Variants in HDAC4 observed in about 807,000 individuals in gnomAD.
HDAC4 encodes histone deacetylase A.
In HDAC4, 16 loss-of-function variants were observed where a neutral mutation model predicts 135.1. That is an observed-to-expected ratio of 0.12 (90% CI 0.08 to 0.18). The LOEUF (loss-of-function observed/expected upper bound fraction) is 0.18. Among genes scored for constraint, HDAC4 ranks in the 10% least tolerant of loss-of-function variants. HDAC4 has a pLI of 1.00. For synonymous variants in HDAC4, 685 were observed against 653.4 expected (o/e 1.05, Z -0.74); for missense variants, 1,143 against 1,511.8 (o/e 0.76, Z 4.05).
intron 2 of HDAC4, among the ~76,000 whole-genome samples, chr2:239,249,020 G>A (rs1034567690): frequency 4.6e-5 from 7 of 152,238 alleles, no homozygotes; most frequent in Non-Finnish European, 8.8e-5. Context: ...GGGATCACGT[G>A]CTGGAATAAC....
chr2:239,178,391 C>A (rs921393246), intron 4 of HDAC4, among the ~76,000 whole-genome samples: 1 of 152,086 alleles, frequency 6.6e-6, no homozygotes, highest in Non-Finnish European at 1.5e-5. Context: ...CTACCTCAGA[C>A]TCCCAAATAG....
At chr2:239,201,296 G>A (rs1008141536) in intron 3 of HDAC4, among the ~76,000 whole-genome samples, 1 of 152,156 alleles carries the variant, frequency 6.6e-6, no homozygotes, top group African/African-American at 2.4e-5. Context: ...CAGGCTGGGT[G>A]TGGTCAGCAA....
At chr2:239,327,791 C>T (rs1050488985) in intron 2 of HDAC4, among the ~76,000 whole-genome samples, 12 of 152,210 alleles carry the variant, frequency 7.9e-5, no homozygotes, top group African/African-American at 2.9e-4. Context: ...CCTAGAGACA[C>T]CCTGGCCAAA....
At chr2:239,121,000 CTTTT>C (rs34226161) in intron 12 of HDAC4, among the ~76,000 whole-genome samples, 11 of 144,708 alleles carry the variant, frequency 7.6e-5, no homozygotes, top group East Asian at 6.1e-4. Flanking sequence ...CTTTAAATTT[CTTTT>C]TTTTTTTTTT....
chr2:239,115,203 G>A lies in HDAC4; in HGVS notation c.1641C>T (p.Asp547=), dbSNP rs2152809839. The A allele has an allele frequency of 6.2e-7, 1 of 1,611,746 alleles. No individual in the cohort carries two copies. Among genetic ancestry groups the A allele is most frequent in the African/African-American group, 1.3e-5 (1 of 75,056 alleles). The stretch of plus-strand genomic sequence containing the variant: ...GCGCCTCCTTCTGCCCCGGCAGCCG[G>A]TCCAGGTAGGGCTCGTCCAGCAGAG... ...HQALLDEPYL[D]RLPGQKEAHA... Residue 547 remains aspartate, a synonymous_variant, in exon 13 of 27, where the codon GAC becomes GAT. Transcript: ENST00000543185. The surrounding 1 kb of genome is among the most constrained non-coding windows in gnomAD (Gnocchi z 6.3).
intron 12 of HDAC4, among the ~76,000 whole-genome samples, chr2:239,119,999 C>T (rs191756729): frequency 6.1e-5 from 4 of 65,114 alleles, no homozygotes; most frequent in African/African-American, 6.8e-5. Flanking sequence ...GGGGACCACC[C>T]GTGGACAGGA....
At chr2:239,246,515 C>T (rs1235492530) in intron 2 of HDAC4, among the ~76,000 whole-genome samples, 5 of 151,924 alleles carry the variant, frequency 3.3e-5, no homozygotes, top group Non-Finnish European at 7.4e-5. Flanking sequence ...GGGCGGGGGC[C>T]GGCCAGGCGC....
At chr2:239,055,135 G>A (rs562413406) in intron 24 of HDAC4, 13 of 370,306 alleles carry the variant, frequency 3.5e-5, no homozygotes, top group African/African-American at 1.3e-4. Flanking sequence ...ATCTGCCATC[G>A]ACGCCACAGG....
In HDAC4 at chr2:239,160,942, C is replaced by T. The variant is rs918089083; in HGVS notation, c.611+2861G>A. 2.6e-5 allele frequency among the ~76,000 whole-genome samples: 4 copies of T among 152,344 alleles called. No individual in the cohort carries two copies. The South Asian group carries it at 6.2e-4, about 24-fold the overall frequency. ...GCAGCACACAGAGGTCCAGGGACAC[C>T]GCATCTGCTCCAGCACCCGGCCTGT... On this transcript the variant is annotated intron_variant, in intron 6 of 26. Coordinates refer to ENST00000543185, the MANE Select transcript of HDAC4 (RefSeq NM_001378414.1).
In HDAC4 at chr2:239,141,112, C is replaced by T. The variant is rs2041346114; in HGVS notation, c.866-1316G>A. On this transcript the variant is annotated intron_variant, in intron 8 of 26. Transcript: ENST00000543185. The surrounding 1 kb of genome is among the most constrained non-coding windows in gnomAD (Gnocchi z 4.9). Reference sequence around the variant, plus strand: ...AGATGGAGGCATGGAGCAGCAACATCACTCGTCCCAGGCCACGTGGCTTGA... The same window carrying T: ...AGATGGAGGCATGGAGCAGCAACATTACTCGTCCCAGGCCACGTGGCTTGA... The T allele has an allele frequency of 3.6e-6, 1 of 275,252 alleles. No individual in the cohort carries two copies. Among genetic ancestry groups the T allele is most frequent in the Non-Finnish European group, 7.9e-6 (1 of 127,134 alleles). 17.1% of individuals were successfully genotyped at this position (275,252 alleles called of 1,614,324 possible). A position where few individuals can be genotyped will look rare whatever the true frequency, so the allele number is the denominator to read the frequency against.
intron 17 of HDAC4, among the ~76,000 whole-genome samples, chr2:239,092,979 C>A (rs2036660576): frequency 2.0e-5 from 3 of 152,146 alleles, no homozygotes; most frequent in African/African-American, 7.2e-5. Flanking sequence ...ACGGATAATC[C>A]CATGGAGTCT....
intron 2 of HDAC4, among the ~76,000 whole-genome samples, chr2:239,238,469 A>C (rs2048009948): frequency 6.6e-6 from 1 of 152,182 alleles, no homozygotes; most frequent in Admixed American, 6.5e-5. Flanking sequence ...GTTCTGCAAC[A>C]GTTCCTACGA....
At chr2:239,155,297 A>T (rs1052017163) in intron 7 of HDAC4, among the ~76,000 whole-genome samples, 3 of 151,214 alleles carry the variant, frequency 2.0e-5, no homozygotes, top group Non-Finnish European at 3.0e-5. Flanking sequence ...GGCCAGACTG[A>T]TATGACCCAG....
At chr2:239,111,918 A>C (rs1249366235) in intron 13 of HDAC4, among the ~76,000 whole-genome samples, 1 of 152,216 alleles carries the variant, frequency 6.6e-6, no homozygotes, top group Non-Finnish European at 1.5e-5. Flanking sequence ...GAACGAGGCC[A>C]GCACAGGCTC....
intron 2 of HDAC4, among the ~76,000 whole-genome samples, chr2:239,273,059 C>T (rs2050143717): frequency 1.3e-5 from 2 of 152,136 alleles, no homozygotes. Flanking sequence ...AGAAATACAC[C>T]ACCTTAGATG....
intron 16 of HDAC4, among the ~76,000 whole-genome samples, chr2:239,099,614 C>T (rs979893699): frequency 2.0e-5 from 3 of 152,250 alleles, no homozygotes; most frequent in Non-Finnish European, 4.4e-5. Context: ...ACCCAGCTCC[C>T]GGACAGAAAG....
chr2:239,357,335 CA>C (rs1261525915), intron 1 of HDAC4, among the ~76,000 whole-genome samples: 4 of 151,830 alleles, frequency 2.6e-5, no homozygotes, highest in Non-Finnish European at 5.9e-5. Context: ...TAAAAATCTG[CA>C]GTGCTTAGGA....
intron 5 of HDAC4, among the ~76,000 whole-genome samples, chr2:239,169,543 C>T (rs983006825): frequency 5.3e-5 from 8 of 152,380 alleles, no homozygotes; most frequent in African/African-American, 1.7e-4. Context: ...ATTCCTCACA[C>T]GTGAAGCCAG....
Position 239,139,719 on chromosome 2 carries a change from C to T in HDAC4, c.943G>A (p.Gly315Ser), listed in dbSNP as rs771403184. ...NSSGSVSAEN[G>S]IAPAVPSIPA... ...ATGCTGGGGACGGCGGGCGCGATAC[C>T]GTTCTCCGCGCTGACGCTCCCGGAG... Residue 315 changes from glycine to serine, a missense_variant, in exon 9 of 27, where the codon GGT becomes AGT. By Grantham distance (56) the Gly-to-Ser change is moderately conservative. Coordinates refer to ENST00000543185, the MANE Select transcript of HDAC4 (RefSeq NM_001378414.1). This position sits in a 1 kb window ranked among gnomAD's most constrained non-coding sequence, Gnocchi z 5.3. 2.2e-5 allele frequency: 36 copies of T among 1,613,990 alleles called. No homozygotes were observed. The highest frequency in any genetic ancestry group is 4.0e-5 in the African/African-American group (3 of 74,948).
Sources: allele counts gnomAD v4.1 joint callset (sites outside exome capture counted in the v4.1 genomes callset), GRCh38; gene constraint gnomAD v4.1.1; non-coding constraint Gnocchi (gnomAD v3.1); transcripts MANE v1.5; gene names NCBI Gene and HGNC (gene_info 2026-07-23, HGNC 2026-07-21).